Variants in MAN1A1 observed in about 807,000 individuals in gnomAD.
MAN1A1 encodes the protein mannosidase alpha class 1A member 1, also known as mannosyl-oligosaccharide 1,2-alpha-mannosidase IA.
Under a neutral mutation model 70.8 loss-of-function variants are expected in MAN1A1, and 29 were observed. The observed-to-expected ratio is 0.41, with a 90% CI of 0.31 to 0.56. MAN1A1 has a LOEUF of 0.56. Ranked by LOEUF, MAN1A1 falls within the 20% of genes least tolerant of loss-of-function variation. The pLI is 0.29. For synonymous variants in MAN1A1, 349 were observed against 330.1 expected (o/e 1.06, Z -0.62); for missense variants, 747 against 841.3 (o/e 0.89, Z 1.39).
chr6:119,189,944 A>G (rs1235588837), intron 9 of MAN1A1, 61 bp from the exon 10 acceptor site: 5 of 1,254,444 alleles, frequency 4.0e-6, no homozygotes, highest in Non-Finnish European at 5.6e-6. Flanking sequence ...TACTAAAAAT[A>G]TGCCCAACAT....
At chr6:119,282,317 G>C (rs925027461) in intron 5 of MAN1A1, among the ~76,000 whole-genome samples, 7 of 152,172 alleles carry the variant, frequency 4.6e-5, no homozygotes, top group African/African-American at 1.7e-4. Flanking sequence ...GTACAAGATA[G>C]GGCTTATGCA....
intron 2 of MAN1A1, among the ~76,000 whole-genome samples, chr6:119,344,610 G>T (rs1773679541): frequency 6.6e-6 from 1 of 152,068 alleles, no homozygotes; most frequent in Admixed American, 6.5e-5. Flanking sequence ...TTATTATTTT[G>T]TAAATATTAT....
At chr6:119,253,607 T>C (rs971559795) in intron 5 of MAN1A1, among the ~76,000 whole-genome samples, 4 of 152,198 alleles carry the variant, frequency 2.6e-5, no homozygotes, top group African/African-American at 9.7e-5. Context: ...AAGCACAGAT[T>C]TGTACACTAC....
At position 119,348,825 on chromosome 6, in the gene MAN1A1, GC is replaced by G; in HGVS notation, c.240del (p.Leu80PhefsTer123). ...SGVLFHSSPA[L>X]QPAADHKPGP... is the part of the protein sequence containing the mutation. ...CCGGGCTTGTGGTCGGCGGCCGGCT[GC>G]AAGGCGGGGCTGGAGTGGAACAGGA... is the stretch of plus-strand genomic sequence containing the variant. On this transcript the variant is annotated frameshift_variant, in exon 2 of 13. Coordinates refer to ENST00000368468, the MANE Select transcript of MAN1A1 (RefSeq NM_005907.4). LOFTEE classifies it high-confidence loss of function. 1 of 1,468,720 alleles carries G rather than the reference GC, an allele frequency of 6.8e-7. No homozygotes were observed. The highest frequency in any genetic ancestry group is 9.0e-7 in the Non-Finnish European group (1 of 1,106,710). The allele number at this position is 1,468,720 out of a possible 1,614,324, so 91.0% of individuals were successfully genotyped here.
chr6:119,230,686 C>T (rs1271314610), intron 6 of MAN1A1, among the ~76,000 whole-genome samples: 1 of 152,226 alleles, frequency 6.6e-6, no homozygotes, highest in Non-Finnish European at 1.5e-5. Flanking sequence ...ACGTTTACCA[C>T]TTATCTCCTG....
intron 5 of MAN1A1, among the ~76,000 whole-genome samples, chr6:119,278,671 T>C (rs934299680): frequency 6.6e-6 from 1 of 152,100 alleles, no homozygotes; most frequent in African/African-American, 2.4e-5. Context: ...CCCCCCAGTG[T>C]TGGAAGGTGG....
intron 4 of MAN1A1, among the ~76,000 whole-genome samples, chr6:119,296,087 T>C (rs1273361946): frequency 6.6e-6 from 1 of 152,200 alleles, no homozygotes; most frequent in Non-Finnish European, 1.5e-5. Flanking sequence ...ACTTTGAGGA[T>C]TAAAAGTATA....
chr6:119,278,025 T>C (rs1424356038), intron 5 of MAN1A1, among the ~76,000 whole-genome samples: 2 of 149,146 alleles, frequency 1.3e-5, no homozygotes, highest in Non-Finnish European at 1.5e-5. Context: ...GGTGTGCATA[T>C]ATAGTCCCAG....
chr6:119,205,028 T>C (rs1344108305), intron 6 of MAN1A1, 146 bp from the exon 7 acceptor site: 6 of 773,372 alleles, frequency 7.8e-6, no homozygotes, highest in Non-Finnish European at 1.2e-5. Flanking sequence ...AAGCACTGTC[T>C]TCTTTGGCTA....
intron 3 of MAN1A1, among the ~76,000 whole-genome samples, chr6:119,305,428 G>C (rs1772500872): frequency 6.6e-6 from 1 of 152,080 alleles, no homozygotes. Flanking sequence ...GGCTCTGCAT[G>C]AGGTTTCAGA....
intron 5 of MAN1A1, among the ~76,000 whole-genome samples, chr6:119,279,975 C>G (rs1363457304): frequency 3.9e-5 from 6 of 152,232 alleles, no homozygotes; most frequent in African/African-American, 1.4e-4. Flanking sequence ...CTTGACAGAA[C>G]TGAACATCTG....
At chr6:119,322,625 C>A (rs1200826061) in intron 2 of MAN1A1, among the ~76,000 whole-genome samples, 1 of 152,174 alleles carries the variant, frequency 6.6e-6, no homozygotes, top group Non-Finnish European at 1.5e-5. Context: ...ATATAATATA[C>A]ATAGACACTG....
At chr6:119,237,382 C>T (rs947146229) in intron 6 of MAN1A1, among the ~76,000 whole-genome samples, 2 of 152,138 alleles carry the variant, frequency 1.3e-5, no homozygotes, top group Non-Finnish European at 2.9e-5. Context: ...TGGTGGCTCA[C>T]ACCTGTAATC....
intron 2 of MAN1A1, among the ~76,000 whole-genome samples, chr6:119,330,136 T>C (rs1438892476): frequency 1.3e-5 from 2 of 152,282 alleles, no homozygotes; most frequent in Admixed American, 1.3e-4. Flanking sequence ...TTATCCCTAA[T>C]AGATCTTATT....
intron 6 of MAN1A1, among the ~76,000 whole-genome samples, chr6:119,241,570 T>G (rs1332499773): frequency 6.6e-6 from 1 of 152,232 alleles, no homozygotes; most frequent in East Asian, 1.9e-4. Flanking sequence ...TAATGATCTC[T>G]CCTGGCAATT....
rs186442133 is a variant in MAN1A1 at position 119,210,845 on chromosome 6, C to G, written c.993-5963G>C. 1.7e-4 allele frequency: 78 copies of G among 450,802 alleles called. No homozygotes were observed. The East Asian group carries it at 4.3e-3, about 25-fold the overall frequency. 27.9% of individuals were successfully genotyped at this position (450,802 alleles called of 1,614,324 possible). A position where few individuals can be genotyped will look rare whatever the true frequency, so the allele number is the denominator to read the frequency against. On this transcript the variant is annotated intron_variant, in intron 6 of 12. Transcript: ENST00000368468. Reference sequence around the variant, plus strand: ...TAGAGACATAAACATCCACTACTTACAGAGCTATTTCTCTTTCCAGTGTGG... The same window carrying G: ...TAGAGACATAAACATCCACTACTTAGAGAGCTATTTCTCTTTCCAGTGTGG...
At chr6:119,294,232 T>C (rs1414364195) in intron 4 of MAN1A1, among the ~76,000 whole-genome samples, 2 of 152,162 alleles carry the variant, frequency 1.3e-5, no homozygotes, top group African/African-American at 4.8e-5. Context: ...AGTGAATTTC[T>C]ACAAATGAGG....
intron 5 of MAN1A1, among the ~76,000 whole-genome samples, chr6:119,276,631 A>G (rs1369626647): frequency 1.3e-5 from 2 of 152,218 alleles, no homozygotes; most frequent in African/African-American, 4.8e-5. Flanking sequence ...CCTAAACTGT[A>G]TTATACAGTG....
intron 9 of MAN1A1, among the ~76,000 whole-genome samples, chr6:119,192,611 A>AT (rs574376275): frequency 5.6e-4 from 85 of 152,200 alleles, no homozygotes; most frequent in Middle Eastern, 3.4e-3. Flanking sequence ...ACAAATTTCC[A>AT]TTTTTTTCCT....
Sources: allele counts gnomAD v4.1 joint callset (sites outside exome capture counted in the v4.1 genomes callset), GRCh38; gene constraint gnomAD v4.1.1; transcripts MANE v1.5; gene names NCBI Gene and HGNC (gene_info 2026-07-23, HGNC 2026-07-21).